PMFBP1: variants seen among roughly 807,000 people sequenced by gnomAD.
PMFBP1 encodes the protein polyamine modulated factor 1 binding protein 1.
PMFBP1 carries 131 observed loss-of-function variants against 137.8 expected under a neutral mutation model. The ratio of observed to expected loss-of-function variants is 0.95; its 90% CI spans 0.82 to 1.10. PMFBP1 has a LOEUF of 1.10. PMFBP1 is among the 50% of genes least tolerant of loss of function. The pLI is 0.00. For synonymous variants in PMFBP1, 490 were observed against 450.4 expected (o/e 1.09, Z -1.11); for missense variants, 1,199 against 1,175.4 (o/e 1.02, Z -0.29).
chr16:72,199,617 G>A, the PMFBP1 span, among the ~76,000 whole-genome samples: 1 of 133,982 alleles, frequency 7.5e-6, no homozygotes, highest in East Asian at 2.2e-4. Context: ...TCATGCCATT[G>A]CACTCCAGCC....
chr16:72,155,201 G>A (rs904927154), intron 3 of PMFBP1, among the ~76,000 whole-genome samples: 1 of 152,128 alleles, frequency 6.6e-6, no homozygotes, highest in Non-Finnish European at 1.5e-5. Flanking sequence ...TCCCTGAGTT[G>A]CTGATGCTTC....
At chr16:72,212,526 G>A in the PMFBP1 span, among the ~76,000 whole-genome samples, 2 of 151,664 alleles carry the variant, frequency 1.3e-5, no homozygotes, top group African/African-American at 2.4e-5. Context: ...GACCACATGT[G>A]GCTCACCAAG....
chr16:72,135,359 G>GTTTTT (rs869071984), intron 9 of PMFBP1, among the ~76,000 whole-genome samples: 1 of 131,506 alleles, frequency 7.6e-6, no homozygotes, highest in Non-Finnish European at 1.7e-5. Flanking sequence ...GTGTGTGTGT[G>GTTTTT]TTTTTTTTTT....
At chr16:72,237,361 A>G in the PMFBP1 span, among the ~76,000 whole-genome samples, 1 of 152,106 alleles carries the variant, frequency 6.6e-6, no homozygotes, top group East Asian at 1.9e-4. Flanking sequence ...GCACTGAAAA[A>G]AATGCTTTCC....
In PMFBP1 at chr16:72,164,818, C is replaced by T. The variant is rs768989988; in HGVS notation, c.111G>A (p.Arg37=). The part of the protein sequence containing the change: ...KNLHDVCKRQ[R]KTLQDNQLCM... ...AGAGCTGATTGTCCTGCAAGGTCTT[C>T]CTCTGTCTCTTGCAGACATCGTGCA... Residue 37 remains arginine, a synonymous_variant, in exon 3 of 21, where the codon AGG becomes AGA. Transcript: ENST00000237353. 24 of 1,609,438 alleles carry T rather than the reference C, an allele frequency of 1.5e-5. No homozygotes were observed. Among genetic ancestry groups the T allele is most frequent in the Non-Finnish European group, 1.9e-5 (22 of 1,176,212 alleles).
At chr16:72,185,327 T>G in the PMFBP1 span, among the ~76,000 whole-genome samples, 1 of 152,134 alleles carries the variant, frequency 6.6e-6, no homozygotes, top group African/African-American at 2.4e-5. Context: ...CACAGCCTTG[T>G]GTCCTGTTTT....
chr16:72,149,648 C>A (rs867306269), intron 5 of PMFBP1, among the ~76,000 whole-genome samples: 12 of 152,066 alleles, frequency 7.9e-5, no homozygotes, highest in Admixed American at 3.3e-4. Context: ...CACGGCGAAA[C>A]CATGTCTCTA....
the PMFBP1 span, among the ~76,000 whole-genome samples, chr16:72,189,430 G>A: frequency 6.6e-6 from 1 of 152,326 alleles, no homozygotes; most frequent in Middle Eastern, 3.4e-3. Context: ...TCAGAACAGT[G>A]GCATAAGAAG....
chr16:72,179,247 T>C (rs547052814), upstream of PMFBP1, among the ~76,000 whole-genome samples: 21 of 152,282 alleles, frequency 1.4e-4, no homozygotes, highest in African/African-American at 5.1e-4. Flanking sequence ...GTCTCTTAGG[T>C]TCAGCTCAGC....
rs72791113 is a variant in PMFBP1, at chr16:72,170,786, T to A, written c.12+411A>T. 3.4e-3 allele frequency among the ~76,000 whole-genome samples: 517 copies of A among 152,294 alleles called. 1 individual carries two copies. The highest frequency in any genetic ancestry group is 7.0e-3 in the South Asian group (34 of 4,830). ...ACTAATCAGACACTCCATTTTCATA[T>A]CATTCCAGATAAAGAGAGAATGTTA... On this transcript the variant is annotated intron_variant, in intron 2 of 20. Transcript: ENST00000237353.
At chr16:72,146,328 T>A (rs2042805689) in intron 5 of PMFBP1, among the ~76,000 whole-genome samples, 1 of 152,194 alleles carries the variant, frequency 6.6e-6, no homozygotes. Flanking sequence ...TCAACAGCGC[T>A]TCATGCTAAA....
chr16:72,136,540 T>C lies in PMFBP1; in HGVS notation c.1111A>G (p.Lys371Glu). The C allele has an allele frequency of 2.5e-6, 4 of 1,613,844 alleles. No homozygotes were observed. Among genetic ancestry groups the C allele is most frequent in the Non-Finnish European group, 3.4e-6 (4 of 1,179,958 alleles). Residue 371 changes from lysine to glutamate, a missense_variant, in exon 9 of 21, where the codon AAG (lysine) becomes GAG (glutamate). Lys to Glu is a moderately conservative substitution (Grantham distance 56, BLOSUM62 1). Transcript: ENST00000237353. ...TGCAGGATGGTGATGTCCTTATCCTTCCTCTCAATGTGGGCAGATGTCTCC... is the reference window on the plus strand; with the variant it reads ...TGCAGGATGGTGATGTCCTTATCCTCCCTCTCAATGTGGGCAGATGTCTCC... ...REETSAHIERKDKDITILQCR... is the reference protein window; with the variant it reads ...REETSAHIEREDKDITILQCR...
the PMFBP1 span, among the ~76,000 whole-genome samples, chr16:72,189,067 T>C: frequency 6.6e-6 from 1 of 152,202 alleles, no homozygotes; most frequent in Non-Finnish European, 1.5e-5. Context: ...GTTGACTTTT[T>C]TTTTTTTGAA....
chr16:72,120,343 T>C (rs2042359071), intron 19 of PMFBP1, among the ~76,000 whole-genome samples: 1 of 152,182 alleles, frequency 6.6e-6, no homozygotes. Context: ...CCTGTTTTCT[T>C]ATCTGTCAGA....
intron 19 of PMFBP1, among the ~76,000 whole-genome samples, chr16:72,120,562 C>T (rs17603662): frequency 0.015 from 2,219 of 152,266 alleles, 19 homozygotes; most frequent in Non-Finnish European, 0.023. Flanking sequence ...GCTGAAGAGT[C>T]GGGAGCACAG....
At chr16:72,177,753 T>C (rs12920842), upstream of PMFBP1, among the ~76,000 whole-genome samples, 11,379 of 152,272 alleles carry the variant, frequency 0.075, 493 homozygotes, top group Non-Finnish European at 0.099. Flanking sequence ...GTATTCCACA[T>C]TGCATTTAGT....
upstream of PMFBP1, chr16:72,172,602 C>T (rs368005434): frequency 2.0e-4 from 30 of 151,718 alleles, 2 homozygotes; most frequent in Admixed American, 1.1e-3. Context: ...TCCTTTACCT[C>T]CTCAAAGAAA....
rs369754582 is a variant in PMFBP1 at position 72,124,864 on chromosome 16, T to C, written c.2492A>G (p.Asn831Ser). Residue 831 changes from asparagine (N) to serine (S), a missense_variant, in exon 17 of 21, where the codon AAT (asparagine) becomes AGT (serine). Coordinates refer to ENST00000237353, the MANE Select transcript of PMFBP1 (RefSeq NM_031293.3). ...TTTGGCTGCCAGCATCTTGAGGTCA[T>C]TCTGGTGTTGCTTCTGCCACTGCAG... ...QVLQWQKQHQNDLKMLAAKEE... is the reference protein window; with the variant it reads ...QVLQWQKQHQSDLKMLAAKEE... 4.3e-6 allele frequency: 7 copies of C among 1,614,082 alleles called. No individual in the cohort carries two copies. Among genetic ancestry groups the C allele is most frequent in the South Asian group, 1.1e-5 (1 of 91,090 alleles).
At chr16:72,118,239 A>G (rs1235767255), downstream of PMFBP1, among the ~76,000 whole-genome samples, 6 of 152,230 alleles carry the variant, frequency 3.9e-5, no homozygotes, top group African/African-American at 1.4e-4. Context: ...TGTTTTCTCT[A>G]GAAAACAAAC....
Sources: gnomAD v4.1 joint callset for allele counts (sites outside exome capture counted in the v4.1 genomes callset) on GRCh38, gnomAD v4.1.1 for gene constraint, MANE v1.5 for transcripts, NCBI Gene and HGNC (gene_info 2026-07-23, HGNC 2026-07-21) for gene names.